The following FRMPD4 variants were observed in gnomAD, a reference collection of about 807,000 sequenced individuals.
FRMPD4 encodes the protein FERM and PDZ domain containing 4, also known as FERM and PDZ domain-containing protein 4.
A neutral mutation model predicts 94.1 loss-of-function variants in FRMPD4; 22 were observed. The ratio of observed to expected loss-of-function variants is 0.23; its 90% confidence interval spans 0.17 to 0.33. The LOEUF (loss-of-function observed/expected upper bound fraction) is 0.33, where lower values mean the gene tolerates loss of function less well. Among genes scored for constraint, FRMPD4 ranks in the 10% least tolerant of loss-of-function variants. The probability of loss-of-function intolerance (pLI) is 1.00; values close to 1 mark genes in which losing one functional copy is unlikely to be tolerated. For synonymous variants in FRMPD4, 631 were observed against 548.6 expected (o/e 1.15, Z -2.10); for missense variants, 1,111 against 1,339.9 (o/e 0.83, Z 2.67).
At chrX:12,479,439 CAT>C (rs1491288806) in intron 1 of FRMPD4, among the ~76,000 whole-genome samples, 5 of 15,498 alleles carry the variant, frequency 3.2e-4, no homozygotes, top group African/African-American at 4.8e-4. Flanking sequence ...TATATACACA[CAT>C]ATATGTATAT....
At chrX:12,211,100 G>T (rs1185839263) in intron 1 of FRMPD4, among the ~76,000 whole-genome samples, 1 of 112,310 alleles carries the variant, frequency 8.9e-6, no homozygotes, top group Non-Finnish European at 1.9e-5. Flanking sequence ...ACAACTCCAT[G>T]TAATATGACA....
At chrX:12,179,073 G>A (rs756347623) in intron 1 of FRMPD4, among the ~76,000 whole-genome samples, 1 of 111,881 alleles carries the variant, frequency 8.9e-6, no homozygotes, top group East Asian at 2.8e-4. Flanking sequence ...TGGGCTGGAA[G>A]GTCCAAGGAA....
intron 2 of FRMPD4, among the ~76,000 whole-genome samples, chrX:12,588,089 A>G (rs1257445719): frequency 1.8e-5 from 2 of 112,047 alleles, no homozygotes; most frequent in East Asian, 2.8e-4. Flanking sequence ...CCTGGGTTCA[A>G]ACGATTCTCC....
chrX:11,910,442 CAG>C (rs1171312518), intron 3 of FRMPD4, among the ~76,000 whole-genome samples: 1 of 111,192 alleles, frequency 9.0e-6, no homozygotes, highest in African/African-American at 3.3e-5. Flanking sequence ...TTTCTGGAGA[CAG>C]AGTCTCACTC....
intron 3 of FRMPD4, among the ~76,000 whole-genome samples, chrX:12,111,813 A>C (rs1348381992): frequency 2.0e-4 from 22 of 112,285 alleles, no homozygotes; most frequent in African/African-American, 6.8e-4. Flanking sequence ...GACACATGAA[A>C]AAATGCTCAT....
intron 3 of FRMPD4, among the ~76,000 whole-genome samples, chrX:11,894,403 C>G (rs2053891283): frequency 8.9e-6 from 1 of 112,402 alleles, no homozygotes; most frequent in East Asian, 2.8e-4. Context: ...CCAAATAGGG[C>G]TCTTGATTGT....
chrX:12,257,948 A>G (rs2054137361), intron 1 of FRMPD4, among the ~76,000 whole-genome samples: 1 of 108,057 alleles, frequency 9.3e-6, no homozygotes, highest in Non-Finnish European at 1.9e-5. Flanking sequence ...TTGCAGCTTT[A>G]CCTTATCCTT....
At chrX:12,287,606 T>G in intron 1 of FRMPD4, among the ~76,000 whole-genome samples, 1 of 111,754 alleles carries the variant, frequency 8.9e-6, no homozygotes, top group South Asian at 3.7e-4. Context: ...AGCAGCAGAC[T>G]AAGTGCTGAG....
At chrX:12,124,645 T>C (rs1347444320) in intron 3 of FRMPD4, among the ~76,000 whole-genome samples, 1 of 112,357 alleles carries the variant, frequency 8.9e-6, no homozygotes, top group African/African-American at 3.2e-5. Flanking sequence ...CATAACAAAA[T>C]TCAAAATTAT....
At chrX:12,589,916 A>G (rs1402446076) in intron 2 of FRMPD4, among the ~76,000 whole-genome samples, 1 of 112,122 alleles carries the variant, frequency 8.9e-6, no homozygotes, top group African/African-American at 3.2e-5. Context: ...TCCACCTACC[A>G]AATCCACATT....
At chrX:12,241,460 A>G (rs2057128693) in intron 1 of FRMPD4, among the ~76,000 whole-genome samples, 1 of 112,526 alleles carries the variant, frequency 8.9e-6, no homozygotes, top group East Asian at 2.8e-4. Flanking sequence ...TCGTGGTGAA[A>G]GCACACTTCC....
intron 1 of FRMPD4, among the ~76,000 whole-genome samples, chrX:12,271,084 G>A (rs766826487): frequency 8.9e-5 from 10 of 112,024 alleles, no homozygotes; most frequent in South Asian, 7.5e-4. Context: ...GTTGGAACAC[G>A]TAGTAATATT....
chrX:12,470,812 A>G (rs1039712326), intron 1 of FRMPD4, among the ~76,000 whole-genome samples: 7 of 111,803 alleles, frequency 6.3e-5, no homozygotes, highest in African/African-American at 1.9e-4. Flanking sequence ...TCACATTAGA[A>G]GTCTTCTCCT....
chrX:12,018,498 C>G (rs1297818311), intron 3 of FRMPD4, among the ~76,000 whole-genome samples: 2 of 110,288 alleles, frequency 1.8e-5, no homozygotes, highest in Admixed American at 1.9e-4. Flanking sequence ...TCACTGCAAC[C>G]TCCACCCCCA....
chrX:12,405,045 A>G (rs1414365481), intron 1 of FRMPD4, among the ~76,000 whole-genome samples: 1 of 111,698 alleles, frequency 9.0e-6, no homozygotes, highest in Admixed American at 9.5e-5. Context: ...TAAAAAAAAT[A>G]CTGATGCTCA....
rs184977342 is a variant in FRMPD4 at position 12,001,878 on chromosome X, A to G, written c.95+123860A>G. Among the ~76,000 whole-genome samples, 46 of 112,356 alleles carry G rather than the reference A, an allele frequency of 4.1e-4. 1 individual carries two copies. In the East Asian group the frequency reaches 0.012, roughly 30 times the overall value. ...GGTTTTGAATAAAGATTGACTTGCCATCATTAACAGGCTGGAACCAGTGGG... is the reference window on the plus strand; with the variant it reads ...GGTTTTGAATAAAGATTGACTTGCCGTCATTAACAGGCTGGAACCAGTGGG... On this transcript the variant is annotated intron_variant, in intron 3 of 18. Transcript: ENST00000640291.
intron 3 of FRMPD4, among the ~76,000 whole-genome samples, chrX:11,910,697 C>G (rs934435130): frequency 8.9e-6 from 1 of 111,930 alleles, no homozygotes; most frequent in Admixed American, 9.4e-5. Flanking sequence ...ATTACAGGCA[C>G]GGGCCACTGT....
chrX:12,563,588 G>A (rs906907547), intron 2 of FRMPD4, among the ~76,000 whole-genome samples: 1 of 112,170 alleles, frequency 8.9e-6, no homozygotes, highest in African/African-American at 3.2e-5. Flanking sequence ...AGTCTTTAGG[G>A]TTGCTATTCA....
At chrX:12,205,848 C>T (rs931307178) in intron 1 of FRMPD4, among the ~76,000 whole-genome samples, 4 of 111,883 alleles carry the variant, frequency 3.6e-5, no homozygotes, top group Non-Finnish European at 7.5e-5. Context: ...TGGTGTGCGC[C>T]GGCACCATGT....
Sources: allele counts gnomAD v4.1 joint callset (sites outside exome capture counted in the v4.1 genomes callset), GRCh38; gene constraint gnomAD v4.1.1; transcripts MANE v1.5; gene names NCBI Gene and HGNC (gene_info 2026-07-23, HGNC 2026-07-21).